The following TJP1 variants were observed in gnomAD, a reference collection of about 807,000 sequenced individuals.
TJP1 encodes the protein tight junction protein 1.
Under a neutral mutation model 194.2 loss-of-function variants are expected in TJP1, and 43 were observed. The observed-to-expected ratio is 0.22, with a 90% CI of 0.17 to 0.29. The LOEUF is 0.29. Among genes scored for constraint, TJP1 ranks in the 10% least tolerant of loss-of-function variants. The pLI is 1.00. For missense variants in TJP1, 1,971 were observed against 2,185.7 expected (o/e 0.90, Z 1.96); for synonymous variants, 801 against 779.0 (o/e 1.03, Z -0.47).
intron 2 of TJP1, among the ~76,000 whole-genome samples, chr15:29,847,561 G>A (rs772066125): frequency 6.6e-6 from 1 of 152,046 alleles, no homozygotes; most frequent in African/African-American, 2.4e-5. Flanking sequence ...TGAGGTGGGC[G>A]GATCACGAGG....
At chr15:29,959,014 G>A (rs1279532713) in intron 1 of TJP1, among the ~76,000 whole-genome samples, 1 of 150,614 alleles carries the variant, frequency 6.6e-6, no homozygotes, top group Non-Finnish European at 1.5e-5. Flanking sequence ...TTTTGAGTCG[G>A]AGTCTCGCTG....
chr15:29,947,843 C>T (rs1410566159), intron 2 of TJP1, among the ~76,000 whole-genome samples: 4 of 152,170 alleles, frequency 2.6e-5, no homozygotes, highest in East Asian at 1.9e-4. Context: ...GCCTATAAAA[C>T]GAGGGCAGCC....
intron 1 of TJP1, among the ~76,000 whole-genome samples, chr15:29,812,390 A>G (rs2049585558): frequency 6.6e-6 from 1 of 152,220 alleles, no homozygotes. Flanking sequence ...AAGTCAGGGT[A>G]ACTTACATGA....
chr15:29,719,698 C>A (rs2042809005), intron 20 of TJP1, 79 bp downstream of exon 20: 1 of 1,547,448 alleles, frequency 6.5e-7, no homozygotes. Context: ...AAAAGGAACA[C>A]TTAAAGGGCA....
intron 2 of TJP1, among the ~76,000 whole-genome samples, chr15:29,779,703 C>T (rs899478550): frequency 6.6e-6 from 1 of 151,660 alleles, no homozygotes; most frequent in Non-Finnish European, 1.5e-5. Context: ...TTAAACTAGC[C>T]CTAATTAGAG....
chr15:29,721,817 G>A (rs886337752), intron 18 of TJP1, among the ~76,000 whole-genome samples: 2 of 152,180 alleles, frequency 1.3e-5, no homozygotes, highest in East Asian at 3.9e-4. Flanking sequence ...GAACTTACTG[G>A]GAACTGGAGT....
At chr15:29,838,955 C>T (rs2051127428) in intron 2 of TJP1, among the ~76,000 whole-genome samples, 1 of 146,682 alleles carries the variant, frequency 6.8e-6, no homozygotes, top group South Asian at 2.1e-4. Context: ...TGGTTCCTTC[C>T]TTTTTATCAG....
At chr15:29,730,810 C>T (rs11554700) in intron 15 of TJP1, 1 of 830,976 alleles carries the variant, frequency 1.2e-6, no homozygotes, top group Non-Finnish European at 2.1e-6. Flanking sequence ...GCTAAACCTG[C>T]TCCTCCAAAG....
intron 1 of TJP1, among the ~76,000 whole-genome samples, chr15:29,809,847 T>TAA (rs111981690): frequency 1.4e-4 from 21 of 145,638 alleles, no homozygotes; most frequent in Non-Finnish European, 2.1e-4. Context: ...AACTCCGTCT[T>TAA]AAAAAAAAAA....
intron 1 of TJP1, among the ~76,000 whole-genome samples, chr15:29,809,811 A>C (rs1163622371): frequency 6.6e-6 from 1 of 151,678 alleles, no homozygotes; most frequent in African/African-American, 2.4e-5. Context: ...ATGCCATTGC[A>C]CTCCAGCCTG....
At chr15:29,790,236 T>C (rs1209011556) in intron 2 of TJP1, among the ~76,000 whole-genome samples, 2 of 152,168 alleles carry the variant, frequency 1.3e-5, no homozygotes, top group Admixed American at 6.5e-5. Context: ...CTCTAGATAG[T>C]CTAAATTTTA....
chr15:29,962,557 T>C (rs2056197986), intron 1 of TJP1, among the ~76,000 whole-genome samples: 1 of 152,294 alleles, frequency 6.6e-6, no homozygotes, highest in South Asian at 2.1e-4. Flanking sequence ...AAGAGAAGGC[T>C]AATGAGTGAC....
chr15:29,935,287 A>G lies in TJP1; in HGVS notation c.306+20945T>C, dbSNP rs539478497. ...TTCCTTGAATTTCAACCAAATTTAA[A>G]TTCCTTACATTTACCTTCTAAACTT... On this transcript the variant is annotated intron_variant, in intron 2 of 28. Coordinates refer to the TJP1 transcript ENST00000356107. Among the ~76,000 whole-genome samples, 53 of 152,324 alleles carry G rather than the reference A, an allele frequency of 3.5e-4. 1 individual carries two copies. The South Asian group carries it at 0.011, about 31-fold the overall frequency.
At chr15:29,927,415 G>A (rs2054560968) in intron 2 of TJP1, among the ~76,000 whole-genome samples, 1 of 152,082 alleles carries the variant, frequency 6.6e-6, no homozygotes, top group African/African-American at 2.4e-5. Flanking sequence ...TTAACTGGAT[G>A]AAAATTTAGA....
At chr15:29,830,836 T>C (rs1446975207) in intron 2 of TJP1, among the ~76,000 whole-genome samples, 1 of 152,058 alleles carries the variant, frequency 6.6e-6, no homozygotes, top group Non-Finnish European at 1.5e-5. Flanking sequence ...CAAGATAATA[T>C]TGGGACATTT....
At chr15:29,705,821 C>T (rs45490592) in intron 25 of TJP1, 76 bp from the exon 26 acceptor site, 53 of 1,259,396 alleles carry the variant, frequency 4.2e-5, no homozygotes, top group Middle Eastern at 1.9e-4. Flanking sequence ...TACTGTATTA[C>T]GTGCTTTCAC....
chr15:29,955,291 T>G (rs1315560368), intron 2 of TJP1, among the ~76,000 whole-genome samples: 1 of 152,074 alleles, frequency 6.6e-6, no homozygotes, highest in East Asian at 1.9e-4. Context: ...ACCTAAACAT[T>G]CATTAATTTG....
chr15:29,949,417 T>TACCTCCACAACCACCACCTCC (rs1596309952), intron 2 of TJP1, among the ~76,000 whole-genome samples: 10 of 58,558 alleles, frequency 1.7e-4, no homozygotes, highest in Non-Finnish European at 2.9e-4. Flanking sequence ...CCACCACCTC[T>TACCTCCACAACCACCACCTCC]ACCTCCACAA....
intron 2 of TJP1, among the ~76,000 whole-genome samples, chr15:29,911,933 G>A (rs1039427601): frequency 6.6e-6 from 1 of 152,128 alleles, no homozygotes; most frequent in African/African-American, 2.4e-5. Context: ...GGATTCTTGG[G>A]GAGTTCGCAA....
Sources: gnomAD v4.1 joint callset for allele counts (sites outside exome capture counted in the v4.1 genomes callset) on GRCh38, gnomAD v4.1.1 for gene constraint, MANE v1.5 for transcripts, NCBI Gene and HGNC (gene_info 2026-07-23, HGNC 2026-07-21) for gene names.